The following SND1 variants were observed in gnomAD, a reference collection of about 807,000 sequenced individuals.
The protein encoded by SND1 is staphylococcal nuclease domain-containing protein 1.
SND1 carries 38 observed loss-of-function variants against 121.7 expected under a neutral mutation model. The observed-to-expected ratio is 0.31, with a 90% CI of 0.24 to 0.41. SND1 has a LOEUF of 0.41. Among genes scored for constraint, SND1 ranks in the 10% least tolerant of loss-of-function variants. The pLI is 1.00. For synonymous variants in SND1, 401 were observed against 447.4 expected, an observed-to-expected ratio of 0.90 and a Z score of 1.31; for missense variants, 868 against 1,184.6, an observed-to-expected ratio of 0.73 and a Z score of 3.92.
chr7:127,971,241 A>G (rs978601160), intron 15 of SND1, among the ~76,000 whole-genome samples: 2 of 152,208 alleles, frequency 1.3e-5, no homozygotes, highest in South Asian at 2.1e-4. Context: ...TTAGAAGGCT[A>G]TAGGCTTTCT....
intron 12 of SND1, among the ~76,000 whole-genome samples, chr7:127,870,583 A>G (rs1799566837): frequency 6.6e-6 from 1 of 152,210 alleles, no homozygotes; most frequent in Non-Finnish European, 1.5e-5. Flanking sequence ...ATAGGCAGTT[A>G]TATAACACAA....
intron 12 of SND1, among the ~76,000 whole-genome samples, chr7:127,883,505 A>G (rs1799836052): frequency 6.6e-6 from 1 of 152,184 alleles, no homozygotes; most frequent in Admixed American, 6.5e-5. Flanking sequence ...TAACTGTACA[A>G]AGAGCATACC....
At chr7:127,791,464 T>C (rs1048998694) in intron 10 of SND1, among the ~76,000 whole-genome samples, 19 of 152,208 alleles carry the variant, frequency 1.2e-4, no homozygotes, top group African/African-American at 4.6e-4. Context: ...TACTTTTTTT[T>C]AATTGTGGTA....
chr7:127,736,040 T>C (rs1796771114), intron 10 of SND1, among the ~76,000 whole-genome samples: 1 of 152,192 alleles, frequency 6.6e-6, no homozygotes, highest in Admixed American at 6.5e-5. Context: ...TTCTCCCTTT[T>C]TAATAGAGTC....
In SND1 at chr7:127,719,035, A is replaced by G. The variant is rs139790762; in HGVS notation, c.1039-2252A>G. The stretch of plus-strand genomic sequence containing the variant: ...GGAGGAGGAGTGGTATTGATTTGCT[A>G]TAGTAGCTATTTTGCTTGGTATGGC... On this transcript the variant is annotated intron_variant, in intron 9 of 23. Transcript: ENST00000354725. Among the ~76,000 whole-genome samples the G allele has an allele frequency of 3.1e-3, 476 of 152,212 alleles. 2 individuals carry two copies. Among genetic ancestry groups the G allele is most frequent in the African/African-American group, 9.8e-3 (408 of 41,540 alleles).
intron 14 of SND1, among the ~76,000 whole-genome samples, chr7:127,914,255 A>G (rs371606816): frequency 6.6e-6 from 1 of 152,158 alleles, no homozygotes; most frequent in African/African-American, 2.4e-5. Context: ...CATCTCCTCC[A>G]CTACTTAAGG....
chr7:127,990,222 T>C (rs1802490303), intron 15 of SND1, among the ~76,000 whole-genome samples: 2 of 152,184 alleles, frequency 1.3e-5, no homozygotes, highest in Admixed American at 1.3e-4. Context: ...ATAATATCTG[T>C]TTTATAAGTA....
Position 127,652,311 on chromosome 7 carries a change from A to G in SND1, c.-63A>G. The G allele has an allele frequency of 7.3e-7, 1 of 1,372,930 alleles. No individual in the cohort carries two copies. Among genetic ancestry groups the G allele is most frequent in the East Asian group, 2.5e-5 (1 of 40,472 alleles). The allele number at this position is 1,372,930 out of a possible 1,614,324, so 85.0% of individuals were successfully genotyped here. A position where few individuals can be genotyped will look rare whatever the true frequency, so the allele number is the denominator to read the frequency against. On this transcript the variant is annotated 5_prime_UTR_variant, in exon 1 of 24. Transcript: ENST00000354725. ...CCTCGACTCCCTTTCACCAACACCGACACCCACATTGACACCTCCAGTCCG... is the reference window on the plus strand; with the variant it reads ...CCTCGACTCCCTTTCACCAACACCGGCACCCACATTGACACCTCCAGTCCG...
chr7:127,667,699 C>T (rs1795444384), intron 1 of SND1, among the ~76,000 whole-genome samples: 1 of 152,192 alleles, frequency 6.6e-6, no homozygotes, highest in Admixed American at 6.5e-5. Flanking sequence ...TAGACTAGGG[C>T]TGAGTCCATC....
chr7:127,678,496 C>T lies in SND1; in HGVS notation c.79-8117C>T, dbSNP rs181509347. 1.8e-3 allele frequency among the ~76,000 whole-genome samples: 272 copies of T among 152,202 alleles called. 1 individual carries two copies. The highest frequency in any genetic ancestry group is 6.1e-3 in the African/African-American group (255 of 41,518). ...GCACTGCCATGAGCTCCTGGGCTTC[C>T]GGTTCATTGGGTTTGAATGTTGGGC... On this transcript the variant is annotated intron_variant, in intron 1 of 23. Transcript: ENST00000354725.
rs59243807 is a variant in SND1 at position 127,766,771 on chromosome 7, CAAAAAAAAAAA to C, written c.1153-40693_1153-40683del. Among the ~76,000 whole-genome samples the C allele has an allele frequency of 7.9e-3, 263 of 33,234 alleles. 2 individuals are homozygous for C. The East Asian group carries it at 0.16, about 20-fold the overall frequency. The allele number at this position is 33,234 out of a possible 152,430, so 21.8% of individuals were successfully genotyped here. ...TGGGTGACAAAGCGAGACTTTGTCT[CAAAAAAAAAAA>C]AAAAAAAAAAAAAAAAAAATAGTTT... is the stretch of plus-strand genomic sequence containing the variant. On this transcript the variant is annotated intron_variant, in intron 10 of 23. Coordinates refer to ENST00000354725, the MANE Select transcript of SND1 (RefSeq NM_014390.4).
chr7:127,670,880 G>A (rs866536618), intron 1 of SND1, among the ~76,000 whole-genome samples: 11 of 151,698 alleles, frequency 7.3e-5, no homozygotes, highest in Middle Eastern at 6.8e-3. Context: ...AAGGAAAAGG[G>A]ATATCTTTAA....
chr7:127,708,321 ATTAAGTG>A (rs1796238317), intron 9 of SND1, among the ~76,000 whole-genome samples: 1 of 151,870 alleles, frequency 6.6e-6, no homozygotes, highest in Admixed American at 6.6e-5. Context: ...GGTAGGTTGT[ATTAAGTG>A]CCCTTCTTTC....
intron 10 of SND1, among the ~76,000 whole-genome samples, chr7:127,795,629 G>A (rs2116551368): frequency 6.6e-6 from 1 of 152,206 alleles, no homozygotes; most frequent in South Asian, 2.1e-4. Flanking sequence ...AATTCATTAT[G>A]TCAAACTTGT....
chr7:128,047,933 G>A (rs545437200), intron 16 of SND1, among the ~76,000 whole-genome samples: 25 of 148,370 alleles, frequency 1.7e-4, no homozygotes, highest in Middle Eastern at 6.9e-3. Context: ...CTGCAACCTC[G>A]GCCTCCCGGG....
At chr7:127,766,861 A>G (rs1404498985) in intron 10 of SND1, among the ~76,000 whole-genome samples, 2 of 145,970 alleles carry the variant, frequency 1.4e-5, no homozygotes, top group African/African-American at 5.0e-5. Context: ...TGGTGCAACT[A>G]TGTATTTTTC....
At chr7:127,664,285 C>A (rs2116243771) in intron 1 of SND1, among the ~76,000 whole-genome samples, 1 of 152,318 alleles carries the variant, frequency 6.6e-6, no homozygotes, top group South Asian at 2.1e-4. Flanking sequence ...AAACAAGCCC[C>A]TCTGAACCAC....
chr7:127,693,079 A>G (rs138236597), intron 2 of SND1, among the ~76,000 whole-genome samples: 3 of 152,200 alleles, frequency 2.0e-5, no homozygotes, highest in Admixed American at 2.0e-4. Flanking sequence ...TTAAATATTA[A>G]TACTCAGGAC....
intron 10 of SND1, among the ~76,000 whole-genome samples, chr7:127,797,601 A>C (rs1444927628): frequency 6.6e-6 from 1 of 152,226 alleles, no homozygotes; most frequent in Non-Finnish European, 1.5e-5. Flanking sequence ...ATGCCTGCAC[A>C]GGGAAAGGAA....
Sources: allele counts gnomAD v4.1 joint callset (sites outside exome capture counted in the v4.1 genomes callset), GRCh38; gene constraint gnomAD v4.1.1; transcripts MANE v1.5; gene names NCBI Gene and HGNC (gene_info 2026-07-23, HGNC 2026-07-21).